Variants in CNTN5 observed in about 807,000 individuals in gnomAD.
CNTN5 encodes contactin-5.
CNTN5 carries 77 observed loss-of-function variants against 129.1 expected under a neutral mutation model. The observed-to-expected ratio is 0.60, with a 90% CI of 0.50 to 0.72. The LOEUF (loss-of-function observed/expected upper bound fraction) is 0.72. Among genes scored for constraint, CNTN5 ranks in the 30% least tolerant of loss-of-function variants. The pLI is 0.00. For synonymous variants in CNTN5, 509 were observed against 465.6 expected, an observed-to-expected ratio of 1.09 and a Z score of -1.20; for missense variants, 1,478 against 1,328.8, an observed-to-expected ratio of 1.11 and a Z score of -1.75.
At chr11:99,461,031 A>G (rs1456567186) in intron 2 of CNTN5, among the ~76,000 whole-genome samples, 1 of 152,156 alleles carries the variant, frequency 6.6e-6, no homozygotes, top group African/African-American at 2.4e-5. Context: ...TATCCACACA[A>G]CAGAATATTA....
intron 2 of CNTN5, among the ~76,000 whole-genome samples, chr11:99,378,215 C>T (rs549696130): frequency 3.3e-5 from 5 of 152,248 alleles, no homozygotes; most frequent in Non-Finnish European, 7.4e-5. Context: ...TTGTCCCACT[C>T]TAGGCTCTGT....
At chr11:99,523,334 T>G (rs965289564) in intron 2 of CNTN5, among the ~76,000 whole-genome samples, 1 of 152,062 alleles carries the variant, frequency 6.6e-6, no homozygotes, top group Admixed American at 6.6e-5. Context: ...GCTGGCTGGG[T>G]GCAGTGGCTC....
At chr11:99,582,076 C>T (rs1286338969) in intron 3 of CNTN5, among the ~76,000 whole-genome samples, 1 of 152,022 alleles carries the variant, frequency 6.6e-6, no homozygotes, top group African/African-American at 2.4e-5. Flanking sequence ...ATTTCTCCTT[C>T]ACTTATGAAG....
intron 2 of CNTN5, among the ~76,000 whole-genome samples, chr11:99,458,004 T>C (rs540630181): frequency 6.6e-6 from 1 of 152,018 alleles, no homozygotes; most frequent in African/African-American, 2.4e-5. Context: ...GGACTCCAAA[T>C]CTTAATACTT....
At chr11:100,054,800 T>C (rs1463027588) in intron 9 of CNTN5, among the ~76,000 whole-genome samples, 1 of 151,718 alleles carries the variant, frequency 6.6e-6, no homozygotes, top group Non-Finnish European at 1.5e-5. Context: ...TTATATCTCA[T>C]TCATGTAACA....
intron 3 of CNTN5, among the ~76,000 whole-genome samples, chr11:99,788,133 C>A (rs986160327): frequency 1.4e-4 from 22 of 151,946 alleles, no homozygotes; most frequent in Admixed American, 7.9e-4. Context: ...CCAGTTTGTA[C>A]ACTTTTTCTG....
chr11:99,107,917 C>G (rs190503300), intron 1 of CNTN5, among the ~76,000 whole-genome samples: 1 of 123,754 alleles, frequency 8.1e-6, no homozygotes, highest in African/African-American at 3.2e-5. Flanking sequence ...GGCAACAGAG[C>G]GAGACTCAGT....
chr11:100,168,870 T>C (rs1486484387), intron 13 of CNTN5, among the ~76,000 whole-genome samples: 1 of 151,960 alleles, frequency 6.6e-6, no homozygotes, highest in African/African-American at 2.4e-5. Context: ...ACATTCATAG[T>C]TCATGGCAGG....
intron 8 of CNTN5, among the ~76,000 whole-genome samples, chr11:99,961,787 G>C (rs1478676087): frequency 6.6e-6 from 1 of 152,092 alleles, no homozygotes; most frequent in African/African-American, 2.4e-5. Context: ...TCTTATTCTA[G>C]CATTCGTATG....
Position 100,337,403 on chromosome 11 carries a change from A to G in CNTN5, c.2731-3060A>G. 3 of 773,546 alleles carry G rather than the reference A, an allele frequency of 3.9e-6. No individual in the cohort carries two copies. In the South Asian group the frequency reaches 4.0e-5, roughly 10 times the overall value. 47.9% of individuals were successfully genotyped at this position (773,546 alleles called of 1,614,324 possible). A position where few individuals can be genotyped will look rare whatever the true frequency, so the allele number is the denominator to read the frequency against. ...TCAGCAGAGAGAGCACCTATCAGCAATCCAGGGAAGAGTGAAGCAGCCTCC... is the reference window on the plus strand; with the variant it reads ...TCAGCAGAGAGAGCACCTATCAGCAGTCCAGGGAAGAGTGAAGCAGCCTCC... On this transcript the variant is annotated intron_variant, in intron 21 of 24. Coordinates refer to ENST00000524871, the MANE Select transcript of CNTN5 (RefSeq NM_014361.4).
At chr11:99,321,891 T>G (rs1325569621) in intron 1 of CNTN5, among the ~76,000 whole-genome samples, 1 of 152,116 alleles carries the variant, frequency 6.6e-6, no homozygotes, top group African/African-American at 2.4e-5. Flanking sequence ...GTGGCCACAT[T>G]GTTAATGTGT....
chr11:99,383,829 G>A (rs973667287), intron 2 of CNTN5, among the ~76,000 whole-genome samples: 2 of 152,164 alleles, frequency 1.3e-5, no homozygotes, highest in Non-Finnish European at 2.9e-5. Context: ...CAGTGGCAGG[G>A]AAGCTACTAG....
chr11:100,291,778 TAAATAAATAAAA>T (rs200249462), intron 18 of CNTN5, among the ~76,000 whole-genome samples: 47,700 of 113,798 alleles, frequency 0.42, 8,599 homozygotes, highest in Non-Finnish European at 0.54. Flanking sequence ...AATAAATAAA[TAAATAAATAAAA>T]AATATAAATA....
intron 1 of CNTN5, among the ~76,000 whole-genome samples, chr11:99,170,287 A>C (rs1005829998): frequency 6.6e-6 from 1 of 152,268 alleles, no homozygotes; most frequent in South Asian, 2.1e-4. Flanking sequence ...AGAGAGCTTA[A>C]GTATCTTTCC....
intron 3 of CNTN5, among the ~76,000 whole-genome samples, chr11:99,611,847 C>T (rs974066130): frequency 2.0e-5 from 3 of 152,104 alleles, no homozygotes; most frequent in African/African-American, 7.2e-5. Flanking sequence ...TTTTGGATAA[C>T]TTTAAGAAAG....
At chr11:99,402,354 T>A (rs999953785) in intron 2 of CNTN5, among the ~76,000 whole-genome samples, 3 of 152,182 alleles carry the variant, frequency 2.0e-5, no homozygotes, top group African/African-American at 7.2e-5. Context: ...TACATTCTGT[T>A]GATCTGATGT....
At chr11:99,811,485 A>G (rs1946427018) in intron 3 of CNTN5, among the ~76,000 whole-genome samples, 1 of 148,268 alleles carries the variant, frequency 6.7e-6, no homozygotes, top group Non-Finnish European at 1.5e-5. Flanking sequence ...TAATATTATA[A>G]CTATTATATT....
chr11:99,366,082 C>T (rs971826796), intron 2 of CNTN5, among the ~76,000 whole-genome samples: 1 of 152,168 alleles, frequency 6.6e-6, no homozygotes, highest in African/African-American at 2.4e-5. Flanking sequence ...ACAGATCTTC[C>T]TTGTAAAACC....
At chr11:100,218,654 C>G (rs1949194664) in intron 15 of CNTN5, among the ~76,000 whole-genome samples, 1 of 152,198 alleles carries the variant, frequency 6.6e-6, no homozygotes, top group Non-Finnish European at 1.5e-5. Flanking sequence ...GTAGCCAGTC[C>G]TGGTGGTCTG....
Sources: gnomAD v4.1 joint callset for allele counts (sites outside exome capture counted in the v4.1 genomes callset) on GRCh38, gnomAD v4.1.1 for gene constraint, MANE v1.5 for transcripts, NCBI Gene and HGNC (gene_info 2026-07-23, HGNC 2026-07-21) for gene names.